CAMTA2: variants seen among roughly 807,000 people sequenced by gnomAD.
CAMTA2 encodes calmodulin-binding transcription activator 2.
Under a neutral mutation model 135.7 loss-of-function variants are expected in CAMTA2, and 56 were observed. The observed-to-expected ratio is 0.41, with a 90% confidence interval of 0.33 to 0.52. The LOEUF is 0.52. Ranked by LOEUF, CAMTA2 falls within the 20% of genes least tolerant of loss-of-function variation. The probability of loss-of-function intolerance (pLI) is 0.16; values close to 1 mark genes in which losing one functional copy is unlikely to be tolerated. For synonymous variants in CAMTA2, 591 were observed against 604.6 expected, an observed-to-expected ratio of 0.98 and a Z score of 0.33; for missense variants, 1,358 against 1,553.4, an observed-to-expected ratio of 0.87 and a Z score of 2.11.
intron 8 of CAMTA2, 77 bp downstream of exon 8, chr17:4,981,148 G>C: frequency 6.6e-7 from 1 of 1,525,958 alleles, no homozygotes; most frequent in South Asian, 1.2e-5. Flanking sequence ...ATCCCATCAA[G>C]ATGGATATCC....
Position 4,973,575 on chromosome 17 carries a change from C to A in CAMTA2, c.2201+10G>T, listed in dbSNP as rs1972435917. The A allele has an allele frequency of 6.2e-7, 1 of 1,608,088 alleles. No individual in the cohort carries two copies. Among genetic ancestry groups the A allele is most frequent in the South Asian group, 1.1e-5 (1 of 90,608 alleles). The stretch of plus-strand genomic sequence containing the variant: ...GGCTGCCCAGCCCTCACCCAGCTGC[C>A]CTTGCTCACCGCCACTGGCTCAGGG... On this transcript the variant is annotated intron_variant, in intron 13 of 22. Coordinates refer to ENST00000348066, the MANE Select transcript of CAMTA2 (RefSeq NM_015099.4).
rs140321026 is a variant in CAMTA2 at position 4,981,254 on chromosome 17, G to C, written c.671C>G (p.Thr224Ser). 4 of 1,613,942 alleles carry C rather than the reference G, an allele frequency of 2.5e-6. No individual in the cohort carries two copies. Among genetic ancestry groups the C allele is most frequent in the Non-Finnish European group, 3.4e-6 (4 of 1,180,014 alleles). The change falls in exon 8 of 23, where the codon ACC becomes AGC. Residue 224 changes from threonine (T) to serine (S), a missense_variant. Transcript: ENST00000348066. ...DTHPTKPAPR[T>S]HACLCSGGLG... ...CCCCCCACTGCAGAGACAGGCGTGG[G>C]TTCGGGGAGCAGGCTTGGTTGGGTG...
In CAMTA2 at chr17:4,972,233, G is replaced by A. The variant is rs1437700913; in HGVS notation, c.2807C>T (p.Pro936Leu). 1 of 1,612,750 alleles carries A rather than the reference G, an allele frequency of 6.2e-7. No homozygotes were observed. Among genetic ancestry groups the A allele is most frequent in the Non-Finnish European group, 8.5e-7 (1 of 1,179,108 alleles). ...ADSPQAVDVI[P>L]VDMISLAKQI... The stretch of plus-strand genomic sequence containing the variant: ...TAACTCCATCAATATAAGCAGTACC[G>A]GGATCACATCCACAGCCTGTGGGCT... The change falls in exon 16 of 23, where the codon CCG becomes CTG. Residue 936 changes from proline (P) to leucine (L), a missense_variant and splice_region_variant. Pro to Leu is a moderately conservative substitution (Grantham distance 98, BLOSUM62 -3). Transcript: ENST00000348066.
chr17:4,985,104 T>G (rs1315660649), intron 3 of CAMTA2, among the ~76,000 whole-genome samples: 2 of 151,904 alleles, frequency 1.3e-5, no homozygotes, highest in Non-Finnish European at 2.9e-5. Flanking sequence ...GGGAATCACT[T>G]GAATCCAGGA....
At chr17:4,977,439 C>T (rs1257090467) in intron 10 of CAMTA2, among the ~76,000 whole-genome samples, 2 of 152,238 alleles carry the variant, frequency 1.3e-5, no homozygotes, top group Admixed American at 6.5e-5. Flanking sequence ...ATTTGTTATT[C>T]AGCAAGAAGG....
intron 1 of CAMTA2, chr17:4,986,755 T>C (rs1013138305): frequency 1.8e-6 from 1 of 554,776 alleles, no homozygotes; most frequent in African/African-American, 2.0e-5. Context: ...CTCTGTTTGA[T>C]TTTTCCAAGG....
chr17:4,969,329 G>C lies in CAMTA2; in HGVS notation c.3291C>G (p.Leu1097=). ...TGGCCGCCTGGGTCATCTTCTTATA[G>C]AGTGCAAACTGCAGGGGTGGGGAGG... is the stretch of plus-strand genomic sequence containing the variant. ...QLTWIALKFA[L]YKKMTQAAIL... Residue 1097 remains leucine (L), a synonymous_variant, in exon 21 of 23, where the codon CTC becomes CTG. Coordinates refer to ENST00000348066, the MANE Select transcript of CAMTA2 (RefSeq NM_015099.4). The surrounding 1 kb of genome is among the most constrained non-coding windows in gnomAD (Gnocchi z 5.6). 6.2e-7 allele frequency: 1 copy of C among 1,613,986 alleles called. No homozygotes were observed. The highest frequency in any genetic ancestry group is 2.2e-5 in the East Asian group (1 of 44,870).
At chr17:4,975,638 T>G (rs1972568079) in intron 11 of CAMTA2, among the ~76,000 whole-genome samples, 1 of 151,914 alleles carries the variant, frequency 6.6e-6, no homozygotes, top group African/African-American at 2.4e-5. Flanking sequence ...TCGGGCTTTG[T>G]GTGGGGTCCA....
chr17:4,969,163 G>A lies in CAMTA2; in HGVS notation c.3457C>T (p.Pro1153Ser). The A allele has an allele frequency of 6.2e-7, 1 of 1,607,796 alleles. No homozygotes were observed. ...GPPHRTSATLPARNKGSFLTK... is the reference protein window; with the variant it reads ...GPPHRTSATLSARNKGSFLTK... The stretch of plus-strand genomic sequence containing the variant: ...GCTGGGCCCTACTTGTTGCGGGCAG[G>A]CAGGGTGGCCGAAGTCCGGTGGGGA... The change falls in exon 21 of 23, where the codon CCT (proline) becomes TCT (serine). Residue 1153 changes from proline to serine, a missense_variant. By Grantham distance (74) the Pro-to-Ser change is moderately conservative (BLOSUM62 -1). Around this residue, in one of 4 missense-constraint regions of CAMTA2, gnomAD observed 167 missense variants for 207.0 expected, o/e 0.81. Transcript: ENST00000348066. This position sits in a 1 kb window ranked among gnomAD's most constrained non-coding sequence, Gnocchi z 5.6.
chr17:4,981,548 G>T, intron 7 of CAMTA2, 130 bp downstream of exon 7: 1 of 1,295,436 alleles, frequency 7.7e-7, no homozygotes, highest in South Asian at 1.4e-5. Context: ...GAACACACCG[G>T]GAATCCTAGC....
Position 4,968,322 on chromosome 17 carries a change from G to T in CAMTA2, c.*434C>A. On this transcript the variant is annotated 3_prime_UTR_variant, in exon 23 of 23. Transcript: ENST00000348066. ...GAGGAAACAGACGCAAACATGCGGA[G>T]TCGGGTGGGGACACGGTCAGCCCTG... 1 of 273,014 alleles carries T rather than the reference G, an allele frequency of 3.7e-6. No individual in the cohort carries two copies. The highest frequency in any genetic ancestry group is 4.9e-5 in the Admixed American group (1 of 20,288). The allele number at this position is 273,014 out of a possible 1,614,324, so 16.9% of individuals were successfully genotyped here. A position where few individuals can be genotyped will look rare whatever the true frequency, so the allele number is the denominator to read the frequency against.
At chr17:4,971,745 G>A (rs991692252) in intron 16 of CAMTA2, among the ~76,000 whole-genome samples, 2 of 145,756 alleles carry the variant, frequency 1.4e-5, no homozygotes, top group Admixed American at 7.1e-5. Flanking sequence ...CTGGAGTGCA[G>A]TGGTGCAGTC....
chr17:4,986,593 G>C (rs2143103787), intron 1 of CAMTA2: 1 of 511,298 alleles, frequency 2.0e-6, no homozygotes, highest in South Asian at 2.5e-5. Context: ...CACAGACTGG[G>C]GCTATGGTTG....
At chr17:4,987,170 G>A in intron 1 of CAMTA2, 1 of 1,347,746 alleles carries the variant, frequency 7.4e-7, no homozygotes. Flanking sequence ...CTGCCAGGGT[G>A]CGGAGCGGGA....
At chr17:4,974,175 G>T in intron 12 of CAMTA2, 1 of 570,246 alleles carries the variant, frequency 1.8e-6, no homozygotes, top group East Asian at 3.0e-5. Context: ...ACCAGAAATA[G>T]TCTGAAGCCC....
At chr17:4,972,628 G>A (rs560389392) in intron 15 of CAMTA2, 92 bp from the exon 16 acceptor site, 44 of 1,466,392 alleles carry the variant, frequency 3.0e-5, no homozygotes, top group East Asian at 2.0e-4. Flanking sequence ...CTCGGTCCCC[G>A]TCTGTTCTTG....
intron 2 of CAMTA2, 28 bp downstream of exon 2, chr17:4,986,164 A>G: frequency 7.4e-7 from 1 of 1,360,240 alleles, no homozygotes; most frequent in Non-Finnish European, 1.1e-6. Flanking sequence ...GGCTGTGGCC[A>G]CATTGGGAAC....
rs1199410979 is a variant in CAMTA2, at chr17:4,969,866, G to A, written c.3189+36C>T. On this transcript the variant is annotated intron_variant, in intron 18 of 22. Coordinates refer to ENST00000348066, the MANE Select transcript of CAMTA2 (RefSeq NM_015099.4). This position sits in a 1 kb window ranked among gnomAD's most constrained non-coding sequence, Gnocchi z 5.6. ...GGGAGCCCAGTCTCCCCTGACTGGA[G>A]ATTGTGTAATTCATCCTGAGACCCC... The A allele has an allele frequency of 1.2e-5, 19 of 1,609,450 alleles. No individual in the cohort carries two copies. Among genetic ancestry groups the A allele is most frequent in the Non-Finnish European group, 1.6e-5 (19 of 1,176,284 alleles).
Position 4,970,376 on chromosome 17 carries a change from T to G in CAMTA2, c.2969A>C (p.Glu990Ala). 1 of 1,614,218 alleles carries G rather than the reference T, an allele frequency of 6.2e-7. No homozygotes were observed. Among genetic ancestry groups the G allele is most frequent in the East Asian group, 2.2e-5 (1 of 44,886 alleles). The change falls in exon 17 of 23, where the codon GAG becomes GCG. Residue 990 changes from glutamate to alanine, a missense_variant. Glu to Ala is a moderately radical substitution (Grantham distance 107, BLOSUM62 -1). Transcript: ENST00000348066. ...TGAGCTGGGGAAATGGTCCACATTC[T>G]CCAGGTAGCTGGCCAGCCAGGACAT... ...ETMSWLASYL[E>A]NVDHFPSSTP...
Sources: gnomAD v4.1 joint callset for allele counts (sites outside exome capture counted in the v4.1 genomes callset) on GRCh38, gnomAD v4.1.1 for gene constraint, gnomAD v4.1.1 regional missense constraint, Gnocchi (gnomAD v3.1) non-coding constraint, MANE v1.5 for transcripts, NCBI Gene and HGNC (gene_info 2026-07-23, HGNC 2026-07-21) for gene names.